Variants in PIWIL3 observed in about 807,000 individuals in gnomAD.
The protein encoded by PIWIL3 is piwi like RNA-mediated gene silencing 3.
Under a neutral mutation model 109.7 loss-of-function variants are expected in PIWIL3, and 101 were observed. The observed-to-expected ratio is 0.92, with a 90% CI of 0.78 to 1.09. The LOEUF is 1.09. Among genes scored for constraint, PIWIL3 ranks in the 50% least tolerant of loss-of-function variants. PIWIL3 has a pLI of 0.00. For synonymous variants in PIWIL3, 373 were observed against 376.4 expected, an observed-to-expected ratio of 0.99 and a Z score of 0.10; for missense variants, 1,031 against 1,072.6, an observed-to-expected ratio of 0.96 and a Z score of 0.54.
intron 1 of PIWIL3, among the ~76,000 whole-genome samples, chr22:24,773,703 ATTTTTTTTTT>A (rs61034646): frequency 9.1e-6 from 1 of 110,202 alleles, no homozygotes; most frequent in African/African-American, 3.6e-5. Flanking sequence ...GACACTCTAG[ATTTTTTTTTT>A]TTTTTTTTTT....
In PIWIL3 at chr22:24,726,275, TTTTC is replaced by T. The variant is rs560008089; in HGVS notation, c.2010-764_2010-761del. ...TTCTCTTTGTTCAAGGTATTGGCTA[TTTTC>T]TTTCTTTCTTTTTTTTTTTTTGAAA... On this transcript the variant is annotated intron_variant, in intron 16 of 20. Transcript: ENST00000616349. Among the ~76,000 whole-genome samples, 634 of 151,980 alleles carry T rather than the reference TTTTC, an allele frequency of 4.2e-3. 1 individual carries two copies. The highest frequency in any genetic ancestry group is 0.01 in the African/African-American group (428 of 41,406).
rs1441002478 is a variant in PIWIL3 at position 24,728,526 on chromosome 22, A to G, written c.1708-152T>C. The stretch of plus-strand genomic sequence containing the variant: ...ATGAGCCCAAGAGGGCGAAGGGTCT[A>G]GAGCCATGTTATTAATTATAACATA... On this transcript the variant is annotated intron_variant, in intron 14 of 20. Transcript: ENST00000616349. The G allele has an allele frequency of 8.6e-5, 57 of 666,204 alleles. No individual in the cohort carries two copies. In the East Asian group the frequency reaches 1.6e-3, roughly 18 times the overall value. 41.3% of individuals were successfully genotyped at this position (666,204 alleles called of 1,614,324 possible).
intron 16 of PIWIL3, among the ~76,000 whole-genome samples, chr22:24,727,570 A>G (rs1008554155): frequency 1.3e-5 from 2 of 152,194 alleles, no homozygotes; most frequent in Non-Finnish European, 2.9e-5. Flanking sequence ...CAATGACATG[A>G]GCTTGGAAGG....
In PIWIL3 at chr22:24,740,218, CA is replaced by C. The variant is rs71189272; in HGVS notation, c.1450-4327del. 8.6e-3 allele frequency among the ~76,000 whole-genome samples: 549 copies of C among 63,880 alleles called. 25 individuals are homozygous for C. The highest frequency in any genetic ancestry group is 0.02 in the East Asian group (32 of 1,624). 41.9% of individuals were successfully genotyped at this position (63,880 alleles called of 152,430 possible). A position where few individuals can be genotyped will look rare whatever the true frequency, so the allele number is the denominator to read the frequency against. The stretch of plus-strand genomic sequence containing the variant: ...CCTGGGCAACGGAGGGAGACTGTCT[CA>C]AAAAAAAAAAAAAAATTTCTAAAAG... On this transcript the variant is annotated intron_variant, in intron 12 of 20. Coordinates refer to ENST00000616349, the MANE Select transcript of PIWIL3 (RefSeq NM_001255975.1).
rs71189272 is a variant in PIWIL3, at chr22:24,740,218, C to CAAAAAAAA, written c.1450-4334_1450-4327dup. 3.4e-3 allele frequency among the ~76,000 whole-genome samples: 219 copies of CAAAAAAAA among 63,866 alleles called. 9 individuals are homozygous for CAAAAAAAA. Among genetic ancestry groups the CAAAAAAAA allele is most frequent in the African/African-American group, 0.012 (189 of 16,410 alleles). 41.9% of individuals were successfully genotyped at this position (63,866 alleles called of 152,430 possible). The stretch of plus-strand genomic sequence containing the variant: ...CCTGGGCAACGGAGGGAGACTGTCT[C>CAAAAAAAA]AAAAAAAAAAAAAAAATTTCTAAAA... On this transcript the variant is annotated intron_variant, in intron 12 of 20. Transcript: ENST00000616349.
At chr22:24,731,549 G>T (rs955154206) in intron 14 of PIWIL3, among the ~76,000 whole-genome samples, 5 of 152,058 alleles carry the variant, frequency 3.3e-5, no homozygotes, top group Non-Finnish European at 5.9e-5. Flanking sequence ...TACTTGGGAG[G>T]CTGAGGCAGG....
chr22:24,723,827 A>G (rs987805975), intron 18 of PIWIL3, among the ~76,000 whole-genome samples: 5 of 152,124 alleles, frequency 3.3e-5, no homozygotes, highest in African/African-American at 9.7e-5. Flanking sequence ...GGTGTGCACC[A>G]CCACGCCTGG....
intron 12 of PIWIL3, among the ~76,000 whole-genome samples, chr22:24,745,708 T>C (rs1368854044): frequency 1.9e-5 from 2 of 106,014 alleles, no homozygotes; most frequent in Middle Eastern, 5.8e-3. Flanking sequence ...AAATCTTTAG[T>C]CAGACTAAGA....
chr22:24,766,065 C>T (rs532833362), intron 1 of PIWIL3, among the ~76,000 whole-genome samples: 38 of 151,652 alleles, frequency 2.5e-4, no homozygotes, highest in African/African-American at 8.2e-4. Context: ...GAAACCCTCC[C>T]ACCTCAGCCT....
At chr22:24,774,282 T>G (rs1360675629) in intron 1 of PIWIL3, 40 bp downstream of exon 1, 2 of 152,116 alleles carry the variant, frequency 1.3e-5, no homozygotes, top group Non-Finnish European at 2.9e-5. Context: ...TTATGCACAT[T>G]TATTTACCTA....
At position 24,756,724 on chromosome 22, in the gene PIWIL3, T is replaced by C; in HGVS notation, c.356-19A>G. ...TCTGAACCTGAAAAATGGAGCCACATGACAATAAAGAAACAGACTGATTGG... is the reference window on the plus strand; with the variant it reads ...TCTGAACCTGAAAAATGGAGCCACACGACAATAAAGAAACAGACTGATTGG... On this transcript the variant is annotated intron_variant, in intron 4 of 20. Transcript: ENST00000616349. 1.9e-6 allele frequency: 3 copies of C among 1,590,944 alleles called. No individual in the cohort carries two copies. The highest frequency in any genetic ancestry group is 2.6e-6 in the Non-Finnish European group (3 of 1,160,596).
At position 24,725,055 on chromosome 22, in the gene PIWIL3, A is replaced by C. The variant is rs941098115; in HGVS notation, c.2081-18T>G. Reference sequence around the variant, plus strand: ...CAGGGCAGCTAAGAGGAAATCAGAAAAAGTAAATAAACCGTTACTTGGAAC... The same window carrying C: ...CAGGGCAGCTAAGAGGAAATCAGAACAAGTAAATAAACCGTTACTTGGAAC... On this transcript the variant is annotated intron_variant, in intron 17 of 20. Transcript: ENST00000616349. 5 of 1,613,088 alleles carry C rather than the reference A, an allele frequency of 3.1e-6. No individual in the cohort carries two copies. The Admixed American group carries it at 5.0e-5, about 16-fold the overall frequency.
intron 14 of PIWIL3, among the ~76,000 whole-genome samples, chr22:24,732,371 C>T (rs118105649): frequency 0.013 from 1,952 of 152,278 alleles, 25 homozygotes; most frequent in Non-Finnish European, 0.021. Flanking sequence ...CACGCTTCCC[C>T]CATGCCATCT....
intron 3 of PIWIL3, among the ~76,000 whole-genome samples, chr22:24,758,348 T>C (rs1925216229): frequency 6.6e-6 from 1 of 152,186 alleles, no homozygotes; most frequent in Non-Finnish European, 1.5e-5. Flanking sequence ...GCCTATCTCC[T>C]GGCGCTATGC....
chr22:24,769,765 T>C (rs1926017871), intron 1 of PIWIL3: 1 of 151,978 alleles, frequency 6.6e-6, no homozygotes. Flanking sequence ...CACCGCACTC[T>C]GGCCTGGGCA....
chr22:24,766,400 G>A (rs1174241750), intron 1 of PIWIL3, among the ~76,000 whole-genome samples: 4 of 151,832 alleles, frequency 2.6e-5, no homozygotes, highest in African/African-American at 9.7e-5. Context: ...CTCACTACAA[G>A]CTCTGTCTGC....
rs766110652 is a variant in PIWIL3, at chr22:24,735,801, T to C, written c.1541A>G (p.Tyr514Cys). 1.9e-6 allele frequency: 3 copies of C among 1,613,892 alleles called. No homozygotes were observed. The highest frequency in any genetic ancestry group is 2.2e-5 in the East Asian group (1 of 44,878). Residue 514 changes from tyrosine (Y) to cysteine (C), a missense_variant, in exon 13 of 21, where the codon TAT becomes TGT. Tyr to Cys is a radical substitution (Grantham distance 194). Transcript: ENST00000616349. ...GGCTTCTCTGTGACTGCTCCTGCTA[T>C]AGAGTATGAGCCAACTATGTAGTGG... ...AMPLHSWLIL[Y>C]SRSSHREAMS...
intron 6 of PIWIL3, among the ~76,000 whole-genome samples, chr22:24,755,269 C>A (rs1382800879): frequency 1.3e-5 from 2 of 152,084 alleles, no homozygotes; most frequent in Admixed American, 6.6e-5. Context: ...ACCACAGGCA[C>A]CTGCCACCAT....
chr22:24,727,890 T>C (rs1385965637), intron 16 of PIWIL3, 60 bp downstream of exon 16: 4 of 1,340,034 alleles, frequency 3.0e-6, no homozygotes, highest in African/African-American at 2.9e-5. Flanking sequence ...ATTAGGTTCA[T>C]CTTTTCTATT....
Sources: allele counts gnomAD v4.1 joint callset (sites outside exome capture counted in the v4.1 genomes callset), GRCh38; gene constraint gnomAD v4.1.1; transcripts MANE v1.5; gene names NCBI Gene and HGNC (gene_info 2026-07-23, HGNC 2026-07-21).